Variants in MTUS1 observed in about 807,000 individuals in gnomAD.
MTUS1 encodes microtubule associated scaffold protein 1, also known as microtubule-associated tumor suppressor 1.
Under a neutral mutation model 120.8 loss-of-function variants are expected in MTUS1, and 109 were observed. The ratio of observed to expected loss-of-function variants is 0.90; its 90% CI spans 0.77 to 1.06. The LOEUF is 1.06. MTUS1 is among the 50% of genes least tolerant of loss of function. The probability of loss-of-function intolerance (pLI) is 0.00; values close to 1 mark genes in which losing one functional copy is unlikely to be tolerated. For synonymous variants in MTUS1, 737 were observed against 550.5 expected, an observed-to-expected ratio of 1.34 and a Z score of -4.74; for missense variants, 2,210 against 1,486.3, an observed-to-expected ratio of 1.49 and a Z score of -8.01.
intron 7 of MTUS1, chr8:17,676,350 G>C: frequency 1.4e-6 from 1 of 702,922 alleles, no homozygotes; most frequent in Non-Finnish European, 2.6e-6. Flanking sequence ...CTGTCTCCAA[G>C]TCCCCCCACC....
At chr8:17,744,683 T>C (rs769303501) in intron 2 of MTUS1, among the ~76,000 whole-genome samples, 13 of 145,406 alleles carry the variant, frequency 8.9e-5, no homozygotes, top group African/African-American at 2.5e-5. Flanking sequence ...GGTTTCACCA[T>C]GTTTTCTTTT....
At chr8:17,739,905 T>C (rs565560811) in intron 3 of MTUS1, among the ~76,000 whole-genome samples, 4 of 152,346 alleles carry the variant, frequency 2.6e-5, no homozygotes, top group African/African-American at 9.6e-5. Context: ...TAATCTCTTA[T>C]AATCTGGTCT....
intron 6 of MTUS1, among the ~76,000 whole-genome samples, chr8:17,684,846 G>A (rs1015295895): frequency 6.6e-6 from 1 of 152,096 alleles, no homozygotes; most frequent in Non-Finnish European, 1.5e-5. Context: ...TGTTCTCCTC[G>A]TTTCTCATTT....
rs139368176 is a variant in MTUS1, at chr8:17,708,356, A to G, written c.2623+4858T>C. On this transcript the variant is annotated intron_variant, in intron 6 of 14. Transcript: ENST00000693296. ...CAGTAAGCACACGAAATGACACTCA[A>G]TGTCACTGGCTGTCAGAATGCAAAT... Among the ~76,000 whole-genome samples, 1,337 of 152,320 alleles carry G rather than the reference A, an allele frequency of 8.8e-3. 19 individuals carry two copies. The highest frequency in any genetic ancestry group is 0.03 in the African/African-American group (1,242 of 41,562).
chr8:17,718,046 A>C (rs1314814145), intron 4 of MTUS1, among the ~76,000 whole-genome samples: 1 of 152,236 alleles, frequency 6.6e-6, no homozygotes, highest in Non-Finnish European at 1.5e-5. Context: ...TGGCAGGCAC[A>C]ACCTGTACTG....
At chr8:17,776,799 C>T (rs936550160) in intron 1 of MTUS1, among the ~76,000 whole-genome samples, 3 of 151,044 alleles carry the variant, frequency 2.0e-5, no homozygotes, top group African/African-American at 4.9e-5. Flanking sequence ...TCATAGGTGA[C>T]GATGAGTGAT....
intron 1 of MTUS1, among the ~76,000 whole-genome samples, chr8:17,759,017 G>T (rs187150431): frequency 0.014 from 2,094 of 152,196 alleles, 53 homozygotes; most frequent in African/African-American, 0.048. Context: ...GAGTAGCTGG[G>T]ATTACAGGCG....
At position 17,743,674 on chromosome 8, in the gene MTUS1, G is replaced by A. The variant is rs750048149; in HGVS notation, c.2217C>T (p.Asn739=). 2 of 1,614,004 alleles carry A rather than the reference G, an allele frequency of 1.2e-6. No homozygotes were observed. The highest frequency in any genetic ancestry group is 1.3e-5 in the African/African-American group (1 of 74,892). Residue 739 remains asparagine (N), a synonymous_variant, in exon 3 of 15, where the codon AAC becomes AAT. Transcript: ENST00000693296. ...VGPPVSCLRR[N]SDNRNPSADR... is the part of the protein sequence containing the mutation. ...CAGCACTGGGATTTCTATTGTCACT[G>A]TTCCGCCTCAAACAGGAAACAGGGG... is the stretch of plus-strand genomic sequence containing the variant.
At chr8:17,696,088 CT>C (rs1398626804) in intron 6 of MTUS1, among the ~76,000 whole-genome samples, 3 of 152,132 alleles carry the variant, frequency 2.0e-5, no homozygotes, top group South Asian at 2.1e-4. Context: ...TTTTTCCCCC[CT>C]ATTAATTTGT....
At chr8:17,800,564 C>T (rs2052599788) in intron 1 of MTUS1, 1 of 152,172 alleles carries the variant, frequency 6.6e-6, no homozygotes, top group South Asian at 2.1e-4. Flanking sequence ...ACACCTAAGT[C>T]CACTAAGCAC....
chr8:17,679,918 T>C (rs959821351), intron 7 of MTUS1, among the ~76,000 whole-genome samples: 1 of 152,214 alleles, frequency 6.6e-6, no homozygotes, highest in Non-Finnish European at 1.5e-5. Context: ...ATCCTACATC[T>C]GGAATTCCAT....
Position 17,646,095 on chromosome 8 carries a change from T to TTC in MTUS1, c.3642_3643dup (p.Lys1215ArgfsTer71). 5 of 1,609,596 alleles carry TTC rather than the reference T, an allele frequency of 3.1e-6. No homozygotes were observed. The highest frequency in any genetic ancestry group is 4.2e-6 in the Non-Finnish European group (5 of 1,177,406). ...GAGTCGCTTGTTGACTTTCGACTCC[T>TTC]TCTCCAGCGACTCTTGCAGAACAGC... On this transcript the variant is annotated frameshift_variant, in exon 15 of 15. Coordinates refer to ENST00000693296, the MANE Select transcript of MTUS1 (RefSeq NM_001363059.2). LOFTEE classifies it high-confidence loss of function.
intron 1 of MTUS1, among the ~76,000 whole-genome samples, chr8:17,768,427 G>A (rs1366567181): frequency 2.6e-5 from 4 of 151,936 alleles, no homozygotes; most frequent in African/African-American, 9.7e-5. Context: ...AATTATCCAA[G>A]GAAAACTAAT....
intron 5 of MTUS1, among the ~76,000 whole-genome samples, chr8:17,715,263 G>A (rs1822101371): frequency 6.6e-6 from 1 of 151,918 alleles, no homozygotes; most frequent in Admixed American, 6.6e-5. Context: ...TGAAAACATT[G>A]CACATTAAGT....
chr8:17,684,261 G>C, intron 7 of MTUS1, 67 bp downstream of exon 7: 8 of 1,151,462 alleles, frequency 6.9e-6, no homozygotes, highest in South Asian at 1.2e-5. Flanking sequence ...GCCAGCGTGT[G>C]AGCAAGTCCT....
chr8:17,651,158 C>T lies in MTUS1; in HGVS notation c.3385-1196G>A, dbSNP rs1030711026. On this transcript the variant is annotated intron_variant, in intron 12 of 14. Coordinates refer to ENST00000693296, the MANE Select transcript of MTUS1 (RefSeq NM_001363059.2). ...TTAATTCTAGGTTCTTTAGATAGTT[C>T]CCTGAGGCTAGGAGAGGTATGCGTG... Among the ~76,000 whole-genome samples the T allele has an allele frequency of 5.3e-5, 8 of 152,134 alleles. 2 individuals are homozygous for T. In the South Asian group the frequency reaches 1.7e-3, roughly 32 times the overall value.
In MTUS1 at chr8:17,754,176, T is replaced by A. The variant is rs763629319; in HGVS notation, c.1632A>T (p.Ser544=). 1.9e-6 allele frequency: 3 copies of A among 1,614,028 alleles called. No homozygotes were observed. The highest frequency in any genetic ancestry group is 8.5e-7 in the Non-Finnish European group (1 of 1,180,034). Residue 544 remains serine, a synonymous_variant, in exon 2 of 15, where the codon TCA becomes TCT. Transcript: ENST00000693296. The stretch of plus-strand genomic sequence containing the variant: ...AGACTGTTTGTTGTCTTGAATTCAC[T>A]GATGAGGGTGATGAGGCACTGGTCT... ...PQQTSASSPS[S]VNSRQQTVLS...
chr8:17,697,107 A>C (rs1818121321), intron 6 of MTUS1: 15 of 1,017,464 alleles, frequency 1.5e-5, no homozygotes. Flanking sequence ...AAGCAACAGA[A>C]AACAATTTTT....
At chr8:17,773,611 T>C (rs143963544) in intron 1 of MTUS1, among the ~76,000 whole-genome samples, 13 of 152,146 alleles carry the variant, frequency 8.5e-5, no homozygotes, top group East Asian at 1.9e-4. Flanking sequence ...GGGCATCACA[T>C]AGTGAGACAG....
Sources: allele counts gnomAD v4.1 joint callset (sites outside exome capture counted in the v4.1 genomes callset), GRCh38; gene constraint gnomAD v4.1.1; transcripts MANE v1.5; gene names NCBI Gene and HGNC (gene_info 2026-07-23, HGNC 2026-07-21).